FBXO10: variants seen among roughly 807,000 people sequenced by gnomAD.
FBXO10 encodes the protein F-box protein 10.
Under a neutral mutation model 80.7 loss-of-function variants are expected in FBXO10, and 39 were observed. That is an observed-to-expected ratio of 0.48 (90% CI 0.37 to 0.63). The LOEUF is 0.63. Among genes scored for constraint, FBXO10 ranks in the 30% least tolerant of loss-of-function variants. The pLI, the probability that FBXO10 is intolerant of heterozygous loss-of-function variation, is 0.00. For synonymous variants in FBXO10, 449 were observed against 489.6 expected (o/e 0.92, Z 1.09); for missense variants, 1,025 against 1,269.0 (o/e 0.81, Z 2.92).
intron 8 of FBXO10, among the ~76,000 whole-genome samples, chr9:37,520,313 CTTTTT>C (rs11309075): frequency 9.0e-6 from 1 of 110,934 alleles, no homozygotes; most frequent in Non-Finnish European, 1.8e-5. Flanking sequence ...CTTCTACCAT[CTTTTT>C]TTTTTTTTTT....
chr9:37,519,950 G>C (rs1044390753), intron 8 of FBXO10, among the ~76,000 whole-genome samples: 4 of 152,076 alleles, frequency 2.6e-5, no homozygotes, highest in African/African-American at 9.7e-5. Context: ...AGCCTCCCTA[G>C]TAGTTGGAAC....
chr9:37,525,758 C>T (rs559431034), intron 5 of FBXO10, among the ~76,000 whole-genome samples: 5 of 152,200 alleles, frequency 3.3e-5, no homozygotes, highest in East Asian at 3.9e-4. Context: ...AGGCTGGTCT[C>T]GAACTCCTGG....
At chr9:37,566,139 C>T (rs1219309947) in intron 1 of FBXO10, among the ~76,000 whole-genome samples, 1 of 152,150 alleles carries the variant, frequency 6.6e-6, no homozygotes, top group Non-Finnish European at 1.5e-5. Context: ...ACCCAACAGG[C>T]TTCATTCACA....
Position 37,531,934 on chromosome 9 carries a change from C to T in FBXO10, c.1544G>A (p.Arg515Gln), listed in dbSNP as rs566517904. 12 of 1,613,884 alleles carry T rather than the reference C, an allele frequency of 7.4e-6. No individual in the cohort carries two copies. The highest frequency in any genetic ancestry group is 6.7e-5 in the East Asian group (3 of 44,878). ...CAGTATGAGTGGGTTGGACTTTTTC[C>T]GGATGTCTACACCAGCCTCTGCATT... The part of the protein sequence containing the change: ...YHNAEAGVDI[R>Q]KKSNPLILCN... The change falls in exon 4 of 11, where the codon CGG becomes CAG. Residue 515 changes from arginine to glutamine, a missense_variant. By Grantham distance (43) the Arg-to-Gln change is conservative. Transcript: ENST00000432825.
At position 37,515,890 on chromosome 9, in the gene FBXO10, C is replaced by A. The variant is rs756829945; in HGVS notation, c.2696+14G>T. ...GGCTCTAGAGGACTCGTTCAGGCAA[C>A]CCCAAGCACTCACTTTTTCTTGAAG... On this transcript the variant is annotated intron_variant, in intron 10 of 10. Transcript: ENST00000432825. 1 of 1,611,470 alleles carries A rather than the reference C, an allele frequency of 6.2e-7. No homozygotes were observed. The highest frequency in any genetic ancestry group is 8.5e-7 in the Non-Finnish European group (1 of 1,178,518).
chr9:37,526,864 T>TATTGATTG (rs1554757618), intron 5 of FBXO10, among the ~76,000 whole-genome samples: 1 of 127,580 alleles, frequency 7.8e-6, no homozygotes, highest in African/African-American at 2.7e-5. Flanking sequence ...TTTATTTATT[T>TATTGATTG]ATTGAAATGG....
intron 10 of FBXO10, chr9:37,515,111 C>T (rs1209659904): frequency 6.6e-6 from 1 of 152,120 alleles, no homozygotes; most frequent in Non-Finnish European, 1.5e-5. Context: ...GGACAGGTGA[C>T]ATTGGCGGTG....
chr9:37,538,246 A>T (rs2119117197), intron 2 of FBXO10, among the ~76,000 whole-genome samples: 1 of 152,280 alleles, frequency 6.6e-6, no homozygotes, highest in African/African-American at 2.4e-5. Context: ...CTCAAGTCTC[A>T]ATCACGTGCC....
At chr9:37,536,696 T>C (rs1294520644) in intron 3 of FBXO10, among the ~76,000 whole-genome samples, 7 of 152,114 alleles carry the variant, frequency 4.6e-5, no homozygotes, top group African/African-American at 1.7e-4. Context: ...TTCTTCTCAT[T>C]GTACCCAGCA....
chr9:37,520,522 C>CTTTTTT (rs1191753429), intron 8 of FBXO10, among the ~76,000 whole-genome samples: 36 of 83,370 alleles, frequency 4.3e-4, no homozygotes, highest in Admixed American at 5.1e-4. Flanking sequence ...CCTTCTTCTT[C>CTTTTTT]TTTTTTTTTT....
chr9:37,520,752 C>A lies in FBXO10; in HGVS notation c.2200+817G>T, dbSNP rs377098814. Among the ~76,000 whole-genome samples, 537 of 152,226 alleles carry A rather than the reference C, an allele frequency of 3.5e-3. 4 individuals are homozygous for A. The highest frequency in any genetic ancestry group is 0.012 in the African/African-American group (503 of 41,540). ...GAAGGAAAACTCACTGCCAATTAAA[C>A]CATGATATGCATCTCGTGGGAGATG... is the stretch of plus-strand genomic sequence containing the variant. On this transcript the variant is annotated intron_variant, in intron 8 of 10. Coordinates refer to ENST00000432825, the MANE Select transcript of FBXO10 (RefSeq NM_012166.3).
intron 1 of FBXO10, among the ~76,000 whole-genome samples, chr9:37,547,236 A>G (rs1266574534): frequency 6.6e-6 from 1 of 152,226 alleles, no homozygotes. Context: ...ATAGAGTACT[A>G]TTCAGCAATA....
chr9:37,546,337 A>G (rs1305641761), intron 1 of FBXO10, among the ~76,000 whole-genome samples: 3 of 151,806 alleles, frequency 2.0e-5, no homozygotes, highest in Admixed American at 2.0e-4. Context: ...GAGGCAAGGT[A>G]CCAGAATAAA....
rs1287561437 is a variant in FBXO10 at position 37,532,046 on chromosome 9, T to C, written c.1432A>G (p.Arg478Gly). 1 of 1,613,404 alleles carries C rather than the reference T, an allele frequency of 6.2e-7. No individual in the cohort carries two copies. Among genetic ancestry groups the C allele is most frequent in the Non-Finnish European group, 8.5e-7 (1 of 1,179,600 alleles). ...CIHNSKIIML[R>G]NDIYRCRASG... Reference sequence around the variant, plus strand: ...GCTCGGCAGCGGTAAATGTCGTTCCTGAGCATGATGATCTAAGCAGAAAAG... The same window carrying C: ...GCTCGGCAGCGGTAAATGTCGTTCCCGAGCATGATGATCTAAGCAGAAAAG... The change falls in exon 4 of 11, where the codon AGG (arginine) becomes GGG (glycine). Residue 478 changes from arginine to glycine, a missense_variant. Physicochemically the swap from Arg to Gly is moderately radical, Grantham distance 125. Coordinates refer to ENST00000432825, the MANE Select transcript of FBXO10 (RefSeq NM_012166.3).
chr9:37,519,506 G>C (rs1821274030), intron 8 of FBXO10, among the ~76,000 whole-genome samples: 2 of 152,108 alleles, frequency 1.3e-5, no homozygotes, highest in African/African-American at 2.4e-5. Context: ...TGCTGGGGGA[G>C]GTTGTGTGCA....
chr9:37,542,410 A>C (rs1821943359), intron 1 of FBXO10, among the ~76,000 whole-genome samples: 1 of 151,582 alleles, frequency 6.6e-6, no homozygotes, highest in Admixed American at 6.6e-5. Context: ...AGCCTGACCA[A>C]CATGGAGAAA....
At chr9:37,519,003 G>T (rs1266461963) in intron 8 of FBXO10, among the ~76,000 whole-genome samples, 1 of 150,782 alleles carries the variant, frequency 6.6e-6, no homozygotes, top group Non-Finnish European at 1.5e-5. Context: ...TCCGCCTCCC[G>T]GGTTCACACC....
chr9:37,536,819 G>A (rs1031144558), intron 3 of FBXO10, among the ~76,000 whole-genome samples: 1 of 152,116 alleles, frequency 6.6e-6, no homozygotes, highest in African/African-American at 2.4e-5. Context: ...GGTGAGATAT[G>A]TGAGCAGCAG....
intron 1 of FBXO10, among the ~76,000 whole-genome samples, chr9:37,552,449 C>A (rs1019489484): frequency 6.6e-6 from 1 of 151,982 alleles, no homozygotes; most frequent in African/African-American, 2.4e-5. Flanking sequence ...TTTGGGAGGC[C>A]GAGGCAGGAG....
Sources: gnomAD v4.1 joint callset for allele counts (sites outside exome capture counted in the v4.1 genomes callset) on GRCh38, gnomAD v4.1.1 for gene constraint, MANE v1.5 for transcripts, NCBI Gene and HGNC (gene_info 2026-07-23, HGNC 2026-07-21) for gene names.